Variants in ALDH1L2 observed in about 807,000 individuals in gnomAD.
ALDH1L2 encodes mitochondrial 10-formyltetrahydrofolate dehydrogenase.
ALDH1L2 carries 91 observed loss-of-function variants against 111.0 expected under a neutral mutation model. The observed-to-expected ratio is 0.82, with a 90% CI of 0.69 to 0.98. The LOEUF is 0.98. Among genes scored for constraint, ALDH1L2 ranks in the 50% least tolerant of loss-of-function variants. The pLI, the probability that ALDH1L2 is intolerant of heterozygous loss-of-function variation, is 0.00. For missense variants in ALDH1L2, 995 were observed against 1,126.8 expected (o/e 0.88, Z 1.67); for synonymous variants, 374 against 392.6 (o/e 0.95, Z 0.56).
chr12:105,063,258 C>A lies in ALDH1L2; in HGVS notation c.787-236G>T, dbSNP rs188726521. Among the ~76,000 whole-genome samples, 13 of 152,226 alleles carry A rather than the reference C, an allele frequency of 8.5e-5. No individual in the cohort carries two copies. The East Asian group carries it at 2.3e-3, about 27-fold the overall frequency. ...TTGGGAGGCAGAGGCAGGCAGATCA[C>A]GAGGTCAGGAGATCGAGACCATCTT... On this transcript the variant is annotated intron_variant, in intron 6 of 22. Transcript: ENST00000258494.
chr12:105,076,410 A>G (rs190773287), intron 1 of ALDH1L2, among the ~76,000 whole-genome samples: 6 of 152,332 alleles, frequency 3.9e-5, no homozygotes, highest in African/African-American at 1.2e-4. Flanking sequence ...TGATTGCACA[A>G]TGACTCCTGG....
intron 15 of ALDH1L2, among the ~76,000 whole-genome samples, chr12:105,046,461 T>A (rs10861323): frequency 0.37 from 56,110 of 151,292 alleles, 10,617 homozygotes; most frequent in South Asian, 0.52. Flanking sequence ...TAGAAAGTCA[T>A]TGGACTTCAC....
intron 8 of ALDH1L2, 41 bp from the exon 9 acceptor site, chr12:105,061,113 G>A (rs947555953): frequency 7.8e-6 from 12 of 1,544,572 alleles, no homozygotes; most frequent in Non-Finnish European, 1.1e-5. Flanking sequence ...GTGCCACGTA[G>A]AACAATGTGG....
intron 13 of ALDH1L2, among the ~76,000 whole-genome samples, 196 bp from the exon 14 acceptor site, chr12:105,047,165 T>G (rs1447706528): frequency 6.6e-6 from 1 of 152,206 alleles, no homozygotes; most frequent in Non-Finnish European, 1.5e-5. Context: ...CACAGAAGAA[T>G]AAACATAATT....
chr12:105,084,258 C>T (rs1412162420), intron 1 of ALDH1L2, 131 bp downstream of exon 1: 2 of 1,072,846 alleles, frequency 1.9e-6, no homozygotes, highest in Non-Finnish European at 1.3e-6. Context: ...TTGTTTTAAA[C>T]GCTGTCTTGG....
intron 19 of ALDH1L2, among the ~76,000 whole-genome samples, chr12:105,034,042 A>G (rs1874842361): frequency 6.6e-6 from 1 of 152,182 alleles, no homozygotes; most frequent in Non-Finnish European, 1.5e-5. Flanking sequence ...TTCAACAACT[A>G]CCAACTCCTG....
chr12:105,035,570 G>A (rs1477597289), intron 18 of ALDH1L2, among the ~76,000 whole-genome samples: 1 of 152,000 alleles, frequency 6.6e-6, no homozygotes. Flanking sequence ...CTTCTACCTC[G>A]ACCTCCCAAA....
At chr12:105,058,742 A>G (rs1177175249) in intron 9 of ALDH1L2, among the ~76,000 whole-genome samples, 1 of 152,140 alleles carries the variant, frequency 6.6e-6, no homozygotes, top group Non-Finnish European at 1.5e-5. Flanking sequence ...TTTGATTTCC[A>G]CTGTTAGTTT....
chr12:105,055,215 T>C (rs1216930118), intron 10 of ALDH1L2, among the ~76,000 whole-genome samples: 1 of 152,144 alleles, frequency 6.6e-6, no homozygotes, highest in Non-Finnish European at 1.5e-5. Flanking sequence ...GCACTGAAGG[T>C]ATATCCCAGC....
chr12:105,053,877 C>G (rs1016124809), intron 10 of ALDH1L2, among the ~76,000 whole-genome samples: 1 of 151,114 alleles, frequency 6.6e-6, no homozygotes, highest in Non-Finnish European at 1.5e-5. Flanking sequence ...TATTATTACC[C>G]TATAAATTGG....
At chr12:105,080,778 A>G (rs894485638) in intron 1 of ALDH1L2, among the ~76,000 whole-genome samples, 3 of 152,218 alleles carry the variant, frequency 2.0e-5, no homozygotes, top group Non-Finnish European at 4.4e-5. Flanking sequence ...TCAGTGCTCA[A>G]AAATGTTCAG....
chr12:105,068,259 A>T (rs1877491325), intron 4 of ALDH1L2, among the ~76,000 whole-genome samples: 2 of 151,932 alleles, frequency 1.3e-5, no homozygotes, highest in Admixed American at 1.3e-4. Context: ...TTGATGGTAT[A>T]CATGTTTTGG....
At chr12:105,054,601 C>T (rs746072714) in intron 10 of ALDH1L2, among the ~76,000 whole-genome samples, 6 of 152,212 alleles carry the variant, frequency 3.9e-5, no homozygotes, top group African/African-American at 1.4e-4. Flanking sequence ...GGGTCTGGAG[C>T]TCTTCACAAG....
intron 11 of ALDH1L2, among the ~76,000 whole-genome samples, chr12:105,052,560 G>T (rs1362060515): frequency 6.6e-6 from 1 of 152,168 alleles, no homozygotes; most frequent in Admixed American, 6.5e-5. Flanking sequence ...GCAGATGAGT[G>T]CCTCTGGTGT....
At chr12:105,074,837 T>C (rs10082824) in intron 1 of ALDH1L2, among the ~76,000 whole-genome samples, 17,436 of 152,178 alleles carry the variant, frequency 0.11, 1,131 homozygotes, top group African/African-American at 0.18. Context: ...GAGCAGATAA[T>C]AAAACAAAGT....
chr12:105,047,955 AATAG>A (rs1340413996), intron 13 of ALDH1L2: 1 of 152,236 alleles, frequency 6.6e-6, no homozygotes, highest in Non-Finnish European at 1.5e-5. Flanking sequence ...AAATATTATT[AATAG>A]ATTATGTTCA....
At chr12:105,071,747 C>G (rs1217211991) in intron 2 of ALDH1L2, among the ~76,000 whole-genome samples, 1 of 140,964 alleles carries the variant, frequency 7.1e-6, no homozygotes, top group Non-Finnish European at 1.5e-5. Context: ...AGCCCCGCCT[C>G]CCGGGTTCAT....
intron 22 of ALDH1L2, 54 bp downstream of exon 22, chr12:105,026,491 T>G: frequency 6.3e-7 from 1 of 1,599,254 alleles, no homozygotes; most frequent in Admixed American, 1.7e-5. Flanking sequence ...ATAGAGCAGA[T>G]TTTTCTGTGA....
chr12:105,047,689 C>T (rs990105857), intron 13 of ALDH1L2: 1 of 152,160 alleles, frequency 6.6e-6, no homozygotes, highest in African/African-American at 2.4e-5. Flanking sequence ...ACAATAGTAG[C>T]CTTTAATGAA....
Sources: gnomAD v4.1 joint callset for allele counts (sites outside exome capture counted in the v4.1 genomes callset) on GRCh38, gnomAD v4.1.1 for gene constraint, MANE v1.5 for transcripts, NCBI Gene and HGNC (gene_info 2026-07-23, HGNC 2026-07-21) for gene names.